Variants in IFNGR2 observed in about 807,000 individuals in gnomAD.
The protein encoded by IFNGR2 is IFN-gamma receptor 2.
IFNGR2 carries 15 observed loss-of-function variants against 41.1 expected under a neutral mutation model. The observed-to-expected ratio is 0.37, with a 90% CI of 0.24 to 0.56. IFNGR2 has a LOEUF of 0.56. Ranked by LOEUF, IFNGR2 falls within the 20% of genes least tolerant of loss-of-function variation. The pLI, the probability that IFNGR2 is intolerant of heterozygous loss-of-function variation, is 0.81. For missense variants in IFNGR2, 362 were observed against 415.7 expected (o/e 0.87, Z 1.12); for synonymous variants, 161 against 171.6 (o/e 0.94, Z 0.48).
At chr21:33,406,108 C>A (rs112722803) in intron 1 of IFNGR2, among the ~76,000 whole-genome samples, 2 of 152,092 alleles carry the variant, frequency 1.3e-5, no homozygotes, top group African/African-American at 4.8e-5. Flanking sequence ...CACGGTGGCT[C>A]ATGCCTGTAA....
chr21:33,417,413 G>A (rs538341313), intron 2 of IFNGR2, among the ~76,000 whole-genome samples: 8 of 152,022 alleles, frequency 5.3e-5, no homozygotes, highest in East Asian at 3.9e-4. Flanking sequence ...TTAAATGTCC[G>A]TTGTAACAGT....
At chr21:33,415,709 G>A (rs777890184) in intron 2 of IFNGR2, among the ~76,000 whole-genome samples, 10 of 152,194 alleles carry the variant, frequency 6.6e-5, no homozygotes, top group Admixed American at 4.6e-4. Flanking sequence ...CTTGTGAGAT[G>A]GGACTGGTTC....
intron 6 of IFNGR2, among the ~76,000 whole-genome samples, chr21:33,436,540 T>C (rs1031155148): frequency 2.6e-5 from 4 of 151,944 alleles, no homozygotes; most frequent in Non-Finnish European, 4.4e-5. Flanking sequence ...GTGGCCAACA[T>C]AGTGAAACCC....
rs121913217 is a variant in IFNGR2, at chr21:33,432,772, G to C, written c.780G>C (p.Ser260=). 8 of 1,614,030 alleles carry C rather than the reference G, an allele frequency of 5.0e-6. No homozygotes were observed. Among genetic ancestry groups the C allele is most frequent in the Middle Eastern group, 1.6e-4 (1 of 6,062 alleles). The change falls in exon 6 of 7, where the codon TCG becomes TCC. Residue 260 remains serine, a synonymous_variant. Coordinates refer to ENST00000290219, the MANE Select transcript of IFNGR2 (RefSeq NM_005534.4). ...LISVGTFSLL[S]VLAGACFFLV... is the part of the protein sequence containing the mutation. ...CCGTGGGAACATTTTCGTTGCTGTC[G>C]GTGCTGGCAGGAGCCTGTTTCTTCC...
rs1169857658 is a variant in IFNGR2 at position 33,426,966 on chromosome 21, C to T, written c.495C>T (p.Ile165=). The T allele has an allele frequency of 7.4e-6, 12 of 1,613,544 alleles. No individual in the cohort carries two copies. The highest frequency in any genetic ancestry group is 1.7e-5 in the Admixed American group (1 of 59,988). ...TCAGGTTCTCCTCTCCCTTTGACAT[C>T]GCTGATACCTCCACGGCCTTTTTTT... ...LIIRFSSPFD[I]ADTSTAFFCY... Residue 165 remains isoleucine, a synonymous_variant, in exon 4 of 7, where the codon ATC becomes ATT. Transcript: ENST00000290219.
rs998081147 is a variant in IFNGR2, at chr21:33,437,376, C to T, written c.*414C>T. Reference sequence around the variant, plus strand: ...GGGCAGGTCACACAACCTGTCCCAGCGAGGGACACCGAGTGGCCCTTCATG... The same window carrying T: ...GGGCAGGTCACACAACCTGTCCCAGTGAGGGACACCGAGTGGCCCTTCATG... On this transcript the variant is annotated 3_prime_UTR_variant, in exon 7 of 7. Transcript: ENST00000290219. 1.6e-5 allele frequency: 3 copies of T among 190,116 alleles called. No homozygotes were observed. Among genetic ancestry groups the T allele is most frequent in the Non-Finnish European group, 3.3e-5 (3 of 90,298 alleles). 11.8% of individuals were successfully genotyped at this position (190,116 alleles called of 1,614,324 possible).
chr21:33,407,074 G>A (rs969129098), intron 1 of IFNGR2, among the ~76,000 whole-genome samples: 1 of 152,014 alleles, frequency 6.6e-6, no homozygotes, highest in Non-Finnish European at 1.5e-5. Flanking sequence ...GGCCGTTTGC[G>A]CTAGATAGAA....
At chr21:33,424,897 C>T (rs1201668326) in intron 3 of IFNGR2, among the ~76,000 whole-genome samples, 1 of 151,610 alleles carries the variant, frequency 6.6e-6, no homozygotes, top group African/African-American at 2.4e-5. Context: ...TGGGCCACCA[C>T]ACCCCAGTTA....
At chr21:33,414,236 T>A (rs746396163) in intron 1 of IFNGR2, among the ~76,000 whole-genome samples, 1 of 152,156 alleles carries the variant, frequency 6.6e-6, no homozygotes. Context: ...CCAGCACCCC[T>A]GTGATTGCGA....
At chr21:33,423,306 T>C (rs2083809701) in intron 3 of IFNGR2, among the ~76,000 whole-genome samples, 1 of 152,100 alleles carries the variant, frequency 6.6e-6, no homozygotes, top group South Asian at 2.1e-4. Context: ...CCCAAAGTGC[T>C]GGGATTACAG....
chr21:33,421,188 T>G (rs2083788726), intron 2 of IFNGR2, among the ~76,000 whole-genome samples: 1 of 151,956 alleles, frequency 6.6e-6, no homozygotes, highest in Admixed American at 6.6e-5. Context: ...AAAAATTACC[T>G]GGGTGTGGTG....
chr21:33,426,910 G>C lies in IFNGR2; in HGVS notation c.439G>C (p.Glu147Gln), dbSNP rs17878639. 1.2e-6 allele frequency: 2 copies of C among 1,613,496 alleles called. No individual in the cohort carries two copies. The highest frequency in any genetic ancestry group is 1.3e-5 in the African/African-American group (1 of 74,854). Reference protein sequence around the residue: ...NVTVGPPENIEVTPGEGSLII... With the variant: ...NVTVGPPENIQVTPGEGSLII... ...GACTGTCGGGCCTCCAGAAAACATT[G>C]AGGTGACCCCAGGAGAAGGCTCCCT... Residue 147 changes from glutamate (E) to glutamine (Q), a missense_variant, in exon 4 of 7, where the codon GAG becomes CAG. By Grantham distance (29) the Glu-to-Gln change is conservative. Coordinates refer to ENST00000290219, the MANE Select transcript of IFNGR2 (RefSeq NM_005534.4).
In IFNGR2 at chr21:33,428,650, T is replaced by A. The variant is rs142960290; in HGVS notation, c.561+1618T>A. Among the ~76,000 whole-genome samples the A allele has an allele frequency of 3.9e-5, 6 of 152,226 alleles. No homozygotes were observed. In the East Asian group the frequency reaches 1.2e-3, roughly 29 times the overall value. Reference sequence around the variant, plus strand: ...TATCAGAGCTCAAGATCTGGGTCGATTAGAATAGAGGGAGCCTGGCAGAAT... The same window carrying A: ...TATCAGAGCTCAAGATCTGGGTCGAATAGAATAGAGGGAGCCTGGCAGAAT... On this transcript the variant is annotated intron_variant, in intron 4 of 6. Coordinates refer to ENST00000290219, the MANE Select transcript of IFNGR2 (RefSeq NM_005534.4).
At chr21:33,436,670 T>C (rs1440341927) in intron 6 of IFNGR2, among the ~76,000 whole-genome samples, 158 bp from the exon 7 acceptor site, 1 of 151,200 alleles carries the variant, frequency 6.6e-6, no homozygotes, top group East Asian at 1.9e-4. Flanking sequence ...TGCAGTGAGC[T>C]GAGATCACAC....
chr21:33,412,665 C>G (rs1314023452), intron 1 of IFNGR2, among the ~76,000 whole-genome samples: 2 of 152,230 alleles, frequency 1.3e-5, no homozygotes, highest in Non-Finnish European at 2.9e-5. Flanking sequence ...AAGCGATTCT[C>G]CTGCCTCAGC....
chr21:33,435,934 G>A (rs1041123431), intron 6 of IFNGR2, among the ~76,000 whole-genome samples: 4 of 147,544 alleles, frequency 2.7e-5, no homozygotes, highest in African/African-American at 1.0e-4. Flanking sequence ...GTGCACGCCT[G>A]CAATCCTAGC....
intron 1 of IFNGR2, among the ~76,000 whole-genome samples, chr21:33,408,780 T>C (rs995276653): frequency 2.6e-5 from 4 of 152,214 alleles, no homozygotes; most frequent in Non-Finnish European, 5.9e-5. Context: ...AATAGAAATA[T>C]TTTTAAATGT....
chr21:33,410,128 C>A lies in IFNGR2; in HGVS notation c.74-4760C>A, dbSNP rs189001571. Among the ~76,000 whole-genome samples, 708 of 151,122 alleles carry A rather than the reference C, an allele frequency of 4.7e-3. 9 individuals carry two copies. Among genetic ancestry groups the A allele is most frequent in the African/African-American group, 0.016 (672 of 41,188 alleles). ...TATTATACAGGAGGTTCTCAAGAGG[C>A]AAGAAGGTTCAGCAAGTTCATTGTC... On this transcript the variant is annotated intron_variant, in intron 1 of 6. Coordinates refer to ENST00000290219, the MANE Select transcript of IFNGR2 (RefSeq NM_005534.4).
At chr21:33,414,819 A>G in intron 1 of IFNGR2, 69 bp from the exon 2 acceptor site, 1 of 1,504,280 alleles carries the variant, frequency 6.6e-7, no homozygotes, top group East Asian at 2.5e-5. Context: ...TGGACATTGA[A>G]ACATTTTTGT....
Sources: gnomAD v4.1 joint callset for allele counts (sites outside exome capture counted in the v4.1 genomes callset) on GRCh38, gnomAD v4.1.1 for gene constraint, MANE v1.5 for transcripts, NCBI Gene and HGNC (gene_info 2026-07-23, HGNC 2026-07-21) for gene names.